The following ZNF346 variants were observed in gnomAD, a reference collection of about 807,000 sequenced individuals.
ZNF346 encodes the protein zinc finger protein 346, also known as double-stranded RNA-binding zinc finger protein JAZ.
A neutral mutation model predicts 33.7 loss-of-function variants in ZNF346; 23 were observed. The observed-to-expected ratio is 0.68, with a 90% CI of 0.49 to 0.97. ZNF346 has a LOEUF of 0.97. ZNF346 is among the 50% of genes least tolerant of loss of function. The probability of loss-of-function intolerance (pLI) is 0.00; values close to 1 mark genes in which losing one functional copy is unlikely to be tolerated. For missense variants in ZNF346, 340 were observed against 371.1 expected, an observed-to-expected ratio of 0.92 and a Z score of 0.69; for synonymous variants, 134 against 142.4, an observed-to-expected ratio of 0.94 and a Z score of 0.42.
intron 1 of ZNF346, among the ~76,000 whole-genome samples, chr5:177,038,271 G>GT (rs774293356): frequency 0.17 from 20,874 of 125,828 alleles, 3,335 homozygotes; most frequent in African/African-American, 0.42. Context: ...TTTTTTTTGT[G>GT]TGTGTGTGTT....
chr5:177,053,705 T>C (rs886443052), intron 5 of ZNF346, among the ~76,000 whole-genome samples: 19 of 152,320 alleles, frequency 1.2e-4, no homozygotes, highest in Admixed American at 7.2e-4. Context: ...GAGAAAATAT[T>C]TGCTGCCTTT....
At chr5:177,036,895 G>A (rs561788487) in intron 1 of ZNF346, among the ~76,000 whole-genome samples, 3 of 152,114 alleles carry the variant, frequency 2.0e-5, no homozygotes, top group African/African-American at 7.2e-5. Flanking sequence ...TTATGCCACT[G>A]CACTCCAGTG....
chr5:177,029,981 ACCAACTGGT>A (rs1229639248), intron 1 of ZNF346, among the ~76,000 whole-genome samples: 3 of 152,196 alleles, frequency 2.0e-5, no homozygotes, highest in African/African-American at 7.2e-5. Flanking sequence ...ATTAGGGGAC[ACCAACTGGT>A]GTCCACTGCA....
intron 4 of ZNF346, among the ~76,000 whole-genome samples, chr5:177,048,592 G>T (rs1267449762): frequency 2.0e-5 from 3 of 152,038 alleles, no homozygotes; most frequent in African/African-American, 7.2e-5. Context: ...TTGCACTCCA[G>T]CCTGGGCAAC....
chr5:177,051,387 G>A (rs891631968), intron 5 of ZNF346, among the ~76,000 whole-genome samples: 9 of 151,860 alleles, frequency 5.9e-5, no homozygotes, highest in Non-Finnish European at 1.2e-4. Context: ...ATGTTAGCCA[G>A]GATGGTCTCG....
chr5:177,046,797 G>A (rs960681216), intron 4 of ZNF346, among the ~76,000 whole-genome samples: 2 of 151,992 alleles, frequency 1.3e-5, no homozygotes, highest in African/African-American at 2.4e-5. Flanking sequence ...CCGTGTATAT[G>A]TGCATATAAA....
At chr5:177,047,885 C>A (rs571681042) in intron 4 of ZNF346, among the ~76,000 whole-genome samples, 45 of 152,236 alleles carry the variant, frequency 3.0e-4, no homozygotes, top group African/African-American at 1.1e-3. Flanking sequence ...GTGATTCACC[C>A]GCTTCTGCCT....
intron 1 of ZNF346, among the ~76,000 whole-genome samples, chr5:177,039,719 C>T (rs28404532): frequency 0.098 from 14,924 of 152,188 alleles, 1,529 homozygotes; most frequent in African/African-American, 0.26. Flanking sequence ...CTCAACCCAT[C>T]CTCCCACCTC....
intron 1 of ZNF346, among the ~76,000 whole-genome samples, chr5:177,025,519 G>A (rs185641012): frequency 3.5e-4 from 53 of 152,322 alleles, no homozygotes; most frequent in Non-Finnish European, 5.4e-4. Flanking sequence ...TCTGCCATCA[G>A]TGTATGAGGG....
intron 5 of ZNF346, among the ~76,000 whole-genome samples, chr5:177,061,010 G>A (rs62397215): frequency 3.0e-3 from 455 of 152,226 alleles, no homozygotes; most frequent in Non-Finnish European, 5.6e-3. Flanking sequence ...TACTCAGGAG[G>A]CTGAGGGAGG....
chr5:177,022,948 G>T, intron 1 of ZNF346, 35 bp downstream of exon 1: 1 of 1,446,944 alleles, frequency 6.9e-7, no homozygotes, highest in Admixed American at 2.8e-5. Flanking sequence ...AAAGCCCCTC[G>T]CCCGCTGCGC....
chr5:177,046,677 A>G (rs997876875), intron 4 of ZNF346, among the ~76,000 whole-genome samples: 1 of 152,174 alleles, frequency 6.6e-6, no homozygotes, highest in Non-Finnish European at 1.5e-5. Flanking sequence ...ACAGATAAAC[A>G]CTGTTAACAT....
rs56812954 is a variant in ZNF346, at chr5:177,038,876, T to TTGTGTGTGTGTGTGTG, written c.176-2226_176-2211dup. On this transcript the variant is annotated intron_variant, in intron 1 of 6. Coordinates refer to ENST00000358149, the MANE Select transcript of ZNF346 (RefSeq NM_012279.4). ...TTTTTCTTCTTTTTTCTTCTTCTTC[T>TTGTGTGTGTGTGTGTG]TGTGTGTGTGTGTGTGTGTGTGTGT... 9.0e-4 allele frequency among the ~76,000 whole-genome samples: 122 copies of TTGTGTGTGTGTGTGTG among 135,446 alleles called. 1 individual carries two copies. The highest frequency in any genetic ancestry group is 3.0e-3 in the African/African-American group (106 of 35,592). 88.9% of individuals were successfully genotyped at this position (135,446 alleles called of 152,430 possible).
At chr5:177,032,025 G>C (rs1402147538) in intron 1 of ZNF346, among the ~76,000 whole-genome samples, 4 of 18,222 alleles carry the variant, frequency 2.2e-4, no homozygotes, top group Non-Finnish European at 4.3e-4. Context: ...TTTTTTTTTT[G>C]AGATGGATTT....
chr5:177,071,377 A>AG (rs1298676923), downstream of ZNF346, among the ~76,000 whole-genome samples: 78 of 151,580 alleles, frequency 5.1e-4, no homozygotes, highest in Non-Finnish European at 9.9e-4. Context: ...AAAAAAAAAA[A>AG]AAAGAAAGAA....
chr5:177,058,191 A>G (rs1259197901), intron 5 of ZNF346, among the ~76,000 whole-genome samples: 1 of 151,336 alleles, frequency 6.6e-6, no homozygotes, highest in African/African-American at 2.4e-5. Flanking sequence ...AAAAAAAAAA[A>G]TAGCTGGGCG....
intron 1 of ZNF346, among the ~76,000 whole-genome samples, chr5:177,039,902 C>T (rs965325041): frequency 1.3e-5 from 2 of 150,216 alleles, no homozygotes; most frequent in Non-Finnish European, 3.0e-5. Context: ...ATGCCTTGGC[C>T]GGGCGCGGTG....
chr5:177,024,200 C>CTTTT (rs781744965), intron 1 of ZNF346, among the ~76,000 whole-genome samples: 2,907 of 86,788 alleles, frequency 0.033, 235 homozygotes, highest in African/African-American at 0.053. Context: ...GCCCTCTCTC[C>CTTTT]TTTTTTTTTT....
In ZNF346 at chr5:177,041,152, T is replaced by C. The variant is rs1779286344; in HGVS notation, c.202T>C (p.Cys68Arg). The C allele has an allele frequency of 1.2e-6, 2 of 1,614,180 alleles. No individual in the cohort carries two copies. Among genetic ancestry groups the C allele is most frequent in the Admixed American group, 1.7e-5 (1 of 60,022 alleles). The change falls in exon 2 of 7, where the codon TGT (cysteine) becomes CGT (arginine). Residue 68 changes from cysteine (C) to arginine (R), a missense_variant. By Grantham distance (180) the Cys-to-Arg change is radical. Transcript: ENST00000358149. ...GGAGCACATGATCCAGAAGAACCAA[T>C]GTCTCTTCACCAACACCCAGTGTAA... ...EVEHMIQKNQ[C>R]LFTNTQCKVC...
Sources: gnomAD v4.1 joint callset for allele counts (sites outside exome capture counted in the v4.1 genomes callset) on GRCh38, gnomAD v4.1.1 for gene constraint, MANE v1.5 for transcripts, NCBI Gene and HGNC (gene_info 2026-07-23, HGNC 2026-07-21) for gene names.